LONRF2: variants seen among roughly 807,000 people sequenced by gnomAD.
The protein encoded by LONRF2 is LON peptidase N-terminal domain and RING finger protein 2.
Under a neutral mutation model 66.6 loss-of-function variants are expected in LONRF2, and 35 were observed. The ratio of observed to expected loss-of-function variants is 0.53; its 90% CI spans 0.40 to 0.70. The LOEUF is 0.70. LONRF2 is among the 30% of genes least tolerant of loss of function. The pLI is 0.00. For missense variants in LONRF2, 902 were observed against 1,002.1 expected (o/e 0.90, Z 1.35); for synonymous variants, 417 against 418.1 (o/e 1.00, Z 0.03).
chr2:100,312,388 T>C (rs1365140058), intron 1 of LONRF2, among the ~76,000 whole-genome samples: 1 of 152,226 alleles, frequency 6.6e-6, no homozygotes, highest in Non-Finnish European at 1.5e-5. Flanking sequence ...GCCTTGGCAA[T>C]GAATCAGTTT....
chr2:100,290,189 C>A, intron 10 of LONRF2, 69 bp downstream of exon 10: 4 of 1,454,172 alleles, frequency 2.8e-6, no homozygotes, highest in Non-Finnish European at 3.7e-6. Context: ...TTTGACAAAG[C>A]TTTTCCACAA....
intron 2 of LONRF2, among the ~76,000 whole-genome samples, chr2:100,306,010 T>C (rs540142006): frequency 6.6e-6 from 1 of 152,296 alleles, no homozygotes; most frequent in South Asian, 2.1e-4. Context: ...TGCCTCAGCC[T>C]CCGGAGTAGC....
At chr2:100,307,141 C>T (rs1268345277) in intron 2 of LONRF2, among the ~76,000 whole-genome samples, 1 of 152,032 alleles carries the variant, frequency 6.6e-6, no homozygotes, top group African/African-American at 2.4e-5. Flanking sequence ...TGGATGGTCT[C>T]GATCTCCTGA....
chr2:100,304,257 A>T, intron 2 of LONRF2, among the ~76,000 whole-genome samples: 1 of 152,022 alleles, frequency 6.6e-6, no homozygotes, highest in East Asian at 1.9e-4. Context: ...GGTTCAAACA[A>T]TCTGCCTCAG....
intron 4 of LONRF2, among the ~76,000 whole-genome samples, chr2:100,300,354 A>G (rs1340738018): frequency 6.6e-6 from 1 of 151,920 alleles, no homozygotes; most frequent in African/African-American, 2.4e-5. Context: ...GCCCCCTTTA[A>G]CTTGTCCCTT....
chr2:100,289,948 A>G (rs1200031031), intron 10 of LONRF2, among the ~76,000 whole-genome samples: 1 of 152,082 alleles, frequency 6.6e-6, no homozygotes, highest in African/African-American at 2.4e-5. Context: ...AACGACAAAC[A>G]AAATTTAAAT....
chr2:100,288,513 G>A (rs1450433000), intron 10 of LONRF2, among the ~76,000 whole-genome samples: 1 of 152,184 alleles, frequency 6.6e-6, no homozygotes, highest in East Asian at 1.9e-4. Flanking sequence ...ACCAAAAAGT[G>A]CATAGATCTT....
chr2:100,306,501 C>A (rs970219110), intron 2 of LONRF2, among the ~76,000 whole-genome samples: 7 of 152,112 alleles, frequency 4.6e-5, no homozygotes, highest in Non-Finnish European at 2.9e-5. Context: ...CTTATAAGTT[C>A]GCTGTTTGGG....
chr2:100,313,294 A>C (rs896045476), intron 1 of LONRF2, among the ~76,000 whole-genome samples: 15 of 152,214 alleles, frequency 9.9e-5, no homozygotes, highest in Admixed American at 6.5e-5. Context: ...CAGAAGTTTG[A>C]GACCAGCCTG....
At chr2:100,299,125 C>T in intron 6 of LONRF2, 101 bp downstream of exon 6, 1 of 903,154 alleles carries the variant, frequency 1.1e-6, no homozygotes, top group Non-Finnish European at 1.7e-6. Flanking sequence ...TTACTGAGCT[C>T]TCCCTAGTTT....
rs968866850 is a variant in LONRF2 at position 100,277,854 on chromosome 2, A to G, written c.*6444T>C. On this transcript the variant is annotated 3_prime_UTR_variant, in exon 12 of 12. Coordinates refer to ENST00000393437, the MANE Select transcript of LONRF2 (RefSeq NM_198461.4). ...AACTCTGGGACTCTTCCTCACAGATACCCCAAATCCAAATCTAAATCACAT... is the reference window on the plus strand; with the variant it reads ...AACTCTGGGACTCTTCCTCACAGATGCCCCAAATCCAAATCTAAATCACAT... 3 of 152,110 alleles carry G rather than the reference A, an allele frequency of 2.0e-5. No individual in the cohort carries two copies. Among genetic ancestry groups the G allele is most frequent in the African/African-American group, 2.4e-5 (1 of 41,400 alleles). 9.4% of individuals were successfully genotyped at this position (152,110 alleles called of 1,614,324 possible).
Position 100,299,223 on chromosome 2 carries a change from T to C in LONRF2, c.1361+3A>G. 4 of 1,574,958 alleles carry C rather than the reference T, an allele frequency of 2.5e-6. No individual in the cohort carries two copies. The highest frequency in any genetic ancestry group is 3.5e-6 in the Non-Finnish European group (4 of 1,157,998). On this transcript the variant is annotated splice_donor_region_variant and intron_variant, in intron 6 of 11. Coordinates refer to ENST00000393437, the MANE Select transcript of LONRF2 (RefSeq NM_198461.4). The stretch of plus-strand genomic sequence containing the variant: ...GAGTTGCACGGATTCTGTACCATCC[T>C]ACCTCATGCAGAGGGCACACTCAAA...
chr2:100,284,404 G>A lies in LONRF2; in HGVS notation c.2159C>T (p.Thr720Ile), dbSNP rs890745575. The A allele has an allele frequency of 2.5e-6, 4 of 1,604,814 alleles. No homozygotes were observed. The Admixed American group carries it at 6.8e-5, about 27-fold the overall frequency. The change falls in exon 12 of 12, where the codon ACC becomes ATC. Residue 720 changes from threonine to isoleucine, a missense_variant. By Grantham distance (89) the Thr-to-Ile change is moderately conservative. Around this residue, in one of 2 missense-constraint regions of LONRF2, gnomAD observed 317 missense variants for 432.2 expected, o/e 0.73. Coordinates refer to ENST00000393437, the MANE Select transcript of LONRF2 (RefSeq NM_198461.4). The part of the protein sequence containing the change: ...RKAQLAILGM[T>I]SLKERLLAIR... ...GGCAAGGAGCCGCTCTTTGAGCGAG[G>A]TCATGCCGAGGATGGCCAGCTGAGC...
chr2:100,296,681 A>G (rs1675074933), intron 7 of LONRF2, among the ~76,000 whole-genome samples: 1 of 152,232 alleles, frequency 6.6e-6, no homozygotes, highest in Non-Finnish European at 1.5e-5. Flanking sequence ...ATCACAGGGT[A>G]ACTGGTAGAG....
rs1198986315 is a variant in LONRF2, at chr2:100,275,611, G to C, written c.*8687C>G. 4 of 152,214 alleles carry C rather than the reference G, an allele frequency of 2.6e-5. No homozygotes were observed. The highest frequency in any genetic ancestry group is 9.7e-5 in the African/African-American group (4 of 41,444). The allele number at this position is 152,214 out of a possible 1,614,324, so 9.4% of individuals were successfully genotyped here. ...CTGTTGTGACTCATTCCTCAATCCG[G>C]TGGGATGCAAAGGATCTATCCATAG... On this transcript the variant is annotated 3_prime_UTR_variant, in exon 12 of 12. Transcript: ENST00000393437.
intron 11 of LONRF2, among the ~76,000 whole-genome samples, chr2:100,284,974 T>C (rs962676564): frequency 5.9e-5 from 9 of 152,242 alleles, no homozygotes; most frequent in African/African-American, 2.2e-4. Flanking sequence ...ATGCATGTCA[T>C]ATGCAAGAGT....
In LONRF2 at chr2:100,309,123, T is replaced by C; in HGVS notation, c.782A>G (p.Glu261Gly). The C allele has an allele frequency of 6.3e-7, 1 of 1,592,760 alleles. No homozygotes were observed. Among genetic ancestry groups the C allele is most frequent in the Non-Finnish European group, 8.5e-7 (1 of 1,171,652 alleles). ...LQDASAACQN[E>G]PLLIKGHQVK... The stretch of plus-strand genomic sequence containing the variant: ...TACAAATACCTTAATCAAGAGAGGT[T>C]CATTCTGACAAGCTGCACTGGCATC... Residue 261 changes from glutamate to glycine, a missense_variant, in exon 2 of 12, where the codon GAA becomes GGA. Glu to Gly is a moderately conservative substitution (Grantham distance 98, BLOSUM62 -2). Transcript: ENST00000393437.
chr2:100,321,457 G>T lies in LONRF2; in HGVS notation c.637C>A (p.Pro213Thr), dbSNP rs1184617530. 1 of 1,498,578 alleles carries T rather than the reference G, an allele frequency of 6.7e-7. No individual in the cohort carries two copies. Among genetic ancestry groups the T allele is most frequent in the Non-Finnish European group, 8.8e-7 (1 of 1,134,882 alleles). 92.8% of individuals were successfully genotyped at this position (1,498,578 alleles called of 1,614,324 possible). Reference sequence around the variant, plus strand: ...TCGCACCTGAGCAGCGCGGCCTCCGGCTGCTGCTGGCGCTGCAGGCTCCGC... The same window carrying T: ...TCGCACCTGAGCAGCGCGGCCTCCGTCTGCTGCTGGCGCTGCAGGCTCCGC... Reference protein sequence around the residue: ...QARSLQRQQQPEAALLRCDQA... With the variant: ...QARSLQRQQQTEAALLRCDQA... Residue 213 changes from proline to threonine, a missense_variant, in exon 1 of 12, where the codon CCG (proline) becomes ACG (threonine). Transcript: ENST00000393437.
intron 8 of LONRF2, 134 bp from the exon 9 acceptor site, chr2:100,294,521 G>C (rs1675025882): frequency 2.8e-6 from 2 of 724,874 alleles, no homozygotes; most frequent in African/African-American, 3.7e-5. Flanking sequence ...GGCTAAGAGG[G>C]ACAAGAAAGC....
Sources: allele counts gnomAD v4.1 joint callset (sites outside exome capture counted in the v4.1 genomes callset), GRCh38; gene constraint gnomAD v4.1.1; regional missense constraint gnomAD v4.1.1; transcripts MANE v1.5; gene names NCBI Gene and HGNC (gene_info 2026-07-23, HGNC 2026-07-21).